TMEM132D: variants seen among roughly 807,000 people sequenced by gnomAD.
The protein encoded by TMEM132D is transmembrane protein 132D.
Under a neutral mutation model 62.3 loss-of-function variants are expected in TMEM132D, and 21 were observed. That is an observed-to-expected ratio of 0.34 (90% CI 0.24 to 0.49). TMEM132D has a LOEUF of 0.49. TMEM132D is among the 20% of genes least tolerant of loss of function. TMEM132D has a pLI of 0.99. For missense variants in TMEM132D, 1,346 were observed against 1,402.8 expected (o/e 0.96, Z 0.65); for synonymous variants, 621 against 575.6 (o/e 1.08, Z -1.13).
At chr12:129,567,885 AAAAG>A (rs1877411656) in intron 2 of TMEM132D, among the ~76,000 whole-genome samples, 1 of 152,226 alleles carries the variant, frequency 6.6e-6, no homozygotes, top group Admixed American at 6.5e-5. Flanking sequence ...CCAGGGACCA[AAAAG>A]ATTGAGAACC....
chr12:129,657,338 T>C (rs1012747275), intron 2 of TMEM132D, among the ~76,000 whole-genome samples: 3 of 151,842 alleles, frequency 2.0e-5, no homozygotes, highest in Admixed American at 2.0e-4. Context: ...TGGGATAGGA[T>C]GGGGCTGATC....
chr12:129,731,765 C>G (rs1463645410), intron 1 of TMEM132D, among the ~76,000 whole-genome samples: 1 of 152,100 alleles, frequency 6.6e-6, no homozygotes, highest in East Asian at 1.9e-4. Context: ...CGGGTTCACA[C>G]TATTCTCCTG....
At chr12:129,400,256 G>A (rs1259776327) in intron 3 of TMEM132D, among the ~76,000 whole-genome samples, 3 of 152,134 alleles carry the variant, frequency 2.0e-5, no homozygotes, top group Non-Finnish European at 2.9e-5. Flanking sequence ...GTATCCAGTC[G>A]CAGACACATT....
chr12:129,345,644 C>T (rs1829596), intron 3 of TMEM132D, among the ~76,000 whole-genome samples: 18,882 of 152,122 alleles, frequency 0.12, 1,538 homozygotes, highest in Non-Finnish European at 0.18. Context: ...TTTTGCTGCT[C>T]ATTCAGGATA....
chr12:129,255,101 A>T (rs1486786760), intron 4 of TMEM132D, among the ~76,000 whole-genome samples: 3 of 152,190 alleles, frequency 2.0e-5, no homozygotes, highest in African/African-American at 7.2e-5. Flanking sequence ...CTCCTGCTCC[A>T]GCCATGTGAG....
At position 129,122,686 on chromosome 12, in the gene TMEM132D, A is replaced by T. The variant is rs559511208; in HGVS notation, c.1444-37984T>A. ...TATTCTCCTCTGTGCTTCGTAAGAC[A>T]TGAATTCCTTCTCATCAAAATTTAC... On this transcript the variant is annotated intron_variant, in intron 5 of 8. Coordinates refer to ENST00000422113, the MANE Select transcript of TMEM132D (RefSeq NM_133448.3). Among the ~76,000 whole-genome samples, 43 of 152,380 alleles carry T rather than the reference A, an allele frequency of 2.8e-4. 1 individual carries two copies. In the South Asian group the frequency reaches 8.9e-3, roughly 32 times the overall value.
intron 1 of TMEM132D, among the ~76,000 whole-genome samples, chr12:129,813,577 T>C (rs1391420204): frequency 1.4e-5 from 2 of 146,778 alleles, no homozygotes; most frequent in African/African-American, 2.5e-5. Flanking sequence ...TCAACTTAAG[T>C]GCCCAGTGAA....
At chr12:129,122,046 G>A (rs1876082310) in intron 5 of TMEM132D, among the ~76,000 whole-genome samples, 1 of 152,190 alleles carries the variant, frequency 6.6e-6, no homozygotes. Flanking sequence ...GCCCTAGAAT[G>A]CAGTCACTCA....
At chr12:129,087,946 GTGTCCTCCCTGACCGGGGTGTCCTC>G (rs1874691444) in intron 5 of TMEM132D, among the ~76,000 whole-genome samples, 3 of 107,114 alleles carry the variant, frequency 2.8e-5, no homozygotes, top group Admixed American at 9.9e-5. Flanking sequence ...CATGACCGGG[GTGTCCTCCCTGACCGGGGTGTCCTC>G]CATGACCGGG....
chr12:129,674,471 TTC>T (rs1880579971), intron 2 of TMEM132D, among the ~76,000 whole-genome samples: 1 of 152,188 alleles, frequency 6.6e-6, no homozygotes. Context: ...AGCAAAATTA[TTC>T]TCTTATTTGT....
chr12:129,684,782 C>T (rs1880866491), intron 2 of TMEM132D, among the ~76,000 whole-genome samples: 1 of 151,906 alleles, frequency 6.6e-6, no homozygotes. Context: ...GTGATATGGA[C>T]AATGAAGTCC....
At chr12:129,309,156 T>C (rs368274195) in intron 4 of TMEM132D, among the ~76,000 whole-genome samples, 499 of 152,332 alleles carry the variant, frequency 3.3e-3, no homozygotes, top group African/African-American at 9.2e-3. Context: ...TGGTTCTTGA[T>C]AGCAAAACAC....
intron 3 of TMEM132D, among the ~76,000 whole-genome samples, chr12:129,466,853 C>A (rs1366736782): frequency 6.6e-6 from 1 of 152,202 alleles, no homozygotes; most frequent in Non-Finnish European, 1.5e-5. Flanking sequence ...CACTCAGCTT[C>A]AACGTCACCA....
chr12:129,095,866 G>A (rs896547935), intron 5 of TMEM132D, among the ~76,000 whole-genome samples: 13 of 151,912 alleles, frequency 8.6e-5, no homozygotes, highest in Non-Finnish European at 8.8e-5. Context: ...CTGCTCCTTG[G>A]TATTTTTTTT....
chr12:129,717,027 A>G (rs1360794907), intron 1 of TMEM132D, among the ~76,000 whole-genome samples: 1 of 152,174 alleles, frequency 6.6e-6, no homozygotes, highest in African/African-American at 2.4e-5. Context: ...TGTTGATTAG[A>G]AATAAGTGTC....
At chr12:129,661,766 T>A (rs1244566290) in intron 2 of TMEM132D, among the ~76,000 whole-genome samples, 2 of 152,198 alleles carry the variant, frequency 1.3e-5, no homozygotes, top group Non-Finnish European at 2.9e-5. Flanking sequence ...CATAAAGATG[T>A]CTTTGACATT....
In TMEM132D at chr12:129,501,772, C is replaced by G. The variant is rs536712358; in HGVS notation, c.1115+29287G>C. ...CCGCTCACCTCGGCCTCCTAAATTG[C>G]TGGGATTACGGGTGTGCACCACCAT... On this transcript the variant is annotated intron_variant, in intron 3 of 8. Coordinates refer to ENST00000422113, the MANE Select transcript of TMEM132D (RefSeq NM_133448.3). Among the ~76,000 whole-genome samples the G allele has an allele frequency of 2.0e-5, 3 of 152,218 alleles. No homozygotes were observed. The South Asian group carries it at 6.2e-4, about 32-fold the overall frequency.
chr12:129,244,058 C>A (rs1248512710), intron 4 of TMEM132D, among the ~76,000 whole-genome samples: 1 of 151,964 alleles, frequency 6.6e-6, no homozygotes, highest in Admixed American at 6.6e-5. Context: ...AGGACTGGAG[C>A]AACAGTGAGG....
intron 3 of TMEM132D, among the ~76,000 whole-genome samples, chr12:129,368,391 T>A (rs532276019): frequency 6.6e-6 from 1 of 152,352 alleles, no homozygotes; most frequent in East Asian, 1.9e-4. Context: ...TTTGAGCTTA[T>A]AAACTGTGTC....
Sources: allele counts gnomAD v4.1 joint callset (sites outside exome capture counted in the v4.1 genomes callset), GRCh38; gene constraint gnomAD v4.1.1; transcripts MANE v1.5; gene names NCBI Gene and HGNC (gene_info 2026-07-23, HGNC 2026-07-21).